The following PPP1R9A variants were observed in gnomAD, a reference collection of about 807,000 sequenced individuals.
PPP1R9A encodes the protein neurabin-1.
In PPP1R9A, 59 loss-of-function variants were observed where a neutral mutation model predicts 141.9. The ratio of observed to expected loss-of-function variants is 0.42; its 90% CI spans 0.34 to 0.52. The LOEUF (loss-of-function observed/expected upper bound fraction) is 0.52, where lower values mean the gene tolerates loss of function less well. PPP1R9A is among the 20% of genes least tolerant of loss of function. The pLI, the probability that PPP1R9A is intolerant of heterozygous loss-of-function variation, is 0.10. For missense variants in PPP1R9A, 1,444 were observed against 1,611.9 expected (o/e 0.90, Z 1.78); for synonymous variants, 500 against 569.7 (o/e 0.88, Z 1.74).
intron 2 of PPP1R9A, among the ~76,000 whole-genome samples, chr7:94,946,716 G>A (rs1391098587): frequency 2.0e-5 from 3 of 152,112 alleles, no homozygotes; most frequent in African/African-American, 4.8e-5. Flanking sequence ...GATTGATTAT[G>A]TAATTCAAAT....
intron 19 of PPP1R9A, among the ~76,000 whole-genome samples, chr7:95,289,842 A>T (rs897495796): frequency 3.3e-5 from 5 of 152,276 alleles, no homozygotes; most frequent in Admixed American, 6.5e-5. Context: ...TTCACCCATT[A>T]ATTACTCATT....
intron 2 of PPP1R9A, among the ~76,000 whole-genome samples, chr7:94,956,431 C>G (rs959850080): frequency 7.2e-5 from 11 of 152,046 alleles, no homozygotes; most frequent in African/African-American, 2.4e-4. Flanking sequence ...TTTAATTTAT[C>G]TAAACAAATG....
intron 7 of PPP1R9A, among the ~76,000 whole-genome samples, chr7:95,215,434 G>A (rs1259192000): frequency 2.6e-5 from 4 of 151,992 alleles, no homozygotes; most frequent in Non-Finnish European, 4.4e-5. Flanking sequence ...ATAAACATAC[G>A]TGTGCATGTG....
At chr7:95,219,064 C>T (rs907050668) in intron 7 of PPP1R9A, among the ~76,000 whole-genome samples, 6 of 152,044 alleles carry the variant, frequency 3.9e-5, no homozygotes, top group Non-Finnish European at 8.8e-5. Context: ...TTCTTAGCCT[C>T]GATGGTCTTT....
At chr7:95,174,129 A>G (rs1333354466) in intron 5 of PPP1R9A, among the ~76,000 whole-genome samples, 3 of 152,176 alleles carry the variant, frequency 2.0e-5, no homozygotes, top group Non-Finnish European at 2.9e-5. Context: ...TCTTTAACTG[A>G]TAAATGGATA....
rs141836269 is a variant in PPP1R9A, at chr7:95,084,630, G to T, written c.1396-26629G>T. Among the ~76,000 whole-genome samples, 83 of 151,992 alleles carry T rather than the reference G, an allele frequency of 5.5e-4. No individual in the cohort carries two copies. In the East Asian group the frequency reaches 0.013, roughly 24 times the overall value. ...TGAATTTGGTGCTTTTAGTTACCAAGCATTTTATATTCTTTTACAACATAT... is the reference window on the plus strand; with the variant it reads ...TGAATTTGGTGCTTTTAGTTACCAATCATTTTATATTCTTTTACAACATAT... On this transcript the variant is annotated intron_variant, in intron 2 of 19. Coordinates refer to ENST00000433360, the MANE Select transcript of PPP1R9A (RefSeq NM_001166160.2).
chr7:95,119,850 T>C (rs1248624483), intron 3 of PPP1R9A, among the ~76,000 whole-genome samples: 1 of 151,900 alleles, frequency 6.6e-6, no homozygotes, highest in African/African-American at 2.4e-5. Context: ...TATATACATA[T>C]ATATACATTC....
intron 16 of PPP1R9A, among the ~76,000 whole-genome samples, chr7:95,283,601 G>A (rs1207568634): frequency 2.0e-5 from 3 of 152,026 alleles, no homozygotes; most frequent in African/African-American, 4.8e-5. Flanking sequence ...CAGACCCTTC[G>A]GAACACAAGT....
chr7:94,964,297 A>G (rs534326414), intron 2 of PPP1R9A, among the ~76,000 whole-genome samples: 1 of 151,978 alleles, frequency 6.6e-6, no homozygotes, highest in African/African-American at 2.4e-5. Flanking sequence ...TTTTTTTTAG[A>G]TAATTATCTG....
chr7:95,123,348 T>C (rs1310416402), intron 4 of PPP1R9A, among the ~76,000 whole-genome samples: 13 of 152,084 alleles, frequency 8.5e-5, no homozygotes, highest in Non-Finnish European at 1.6e-4. Flanking sequence ...TCAGTGAATA[T>C]ATTAAGACAT....
intron 8 of PPP1R9A, among the ~76,000 whole-genome samples, chr7:95,238,979 T>G (rs1392624332): frequency 6.6e-6 from 1 of 152,130 alleles, no homozygotes; most frequent in Admixed American, 6.6e-5. Context: ...GGGAAACTTT[T>G]TAATTTGTAA....
rs73433123 is a variant in PPP1R9A at position 95,278,848 on chromosome 7, C to T, written c.3296+4680C>T. On this transcript the variant is annotated intron_variant, in intron 16 of 19. Coordinates refer to ENST00000433360, the MANE Select transcript of PPP1R9A (RefSeq NM_001166160.2). ...GCCTGGGTTGAAATCCCAACTCTGC[C>T]ACTTACTTCTTGGACAGGTTTCTTA... is the stretch of plus-strand genomic sequence containing the variant. 7.4e-3 allele frequency among the ~76,000 whole-genome samples: 1,130 copies of T among 152,202 alleles called. 13 individuals are homozygous for T. The highest frequency in any genetic ancestry group is 0.026 in the African/African-American group (1,074 of 41,514).
chr7:95,138,304 C>G (rs561700580), intron 4 of PPP1R9A, among the ~76,000 whole-genome samples: 1 of 152,258 alleles, frequency 6.6e-6, no homozygotes, highest in Non-Finnish European at 1.5e-5. Flanking sequence ...AGTGCTAGAA[C>G]AATTAGATAC....
At chr7:94,954,811 T>G (rs1312955503) in intron 2 of PPP1R9A, among the ~76,000 whole-genome samples, 2 of 149,444 alleles carry the variant, frequency 1.3e-5, no homozygotes, top group Admixed American at 6.7e-5. Flanking sequence ...TCTGTTATTT[T>G]AGAATATATG....
At chr7:95,072,424 TCTCAAA>T (rs978597643) in intron 2 of PPP1R9A, among the ~76,000 whole-genome samples, 3 of 143,982 alleles carry the variant, frequency 2.1e-5, no homozygotes, top group African/African-American at 7.6e-5. Context: ...TTATGATTCA[TCTCAAA>T]CTGGAAGGTA....
chr7:95,006,438 C>T (rs1480135871), intron 2 of PPP1R9A, among the ~76,000 whole-genome samples: 3 of 151,812 alleles, frequency 2.0e-5, no homozygotes, highest in African/African-American at 7.3e-5. Context: ...AGGCTGGTCT[C>T]GAACTCAGGT....
At chr7:95,115,916 C>CAAA (rs746135056) in intron 3 of PPP1R9A, among the ~76,000 whole-genome samples, 3 of 60,230 alleles carry the variant, frequency 5.0e-5, no homozygotes, top group East Asian at 5.3e-4. Context: ...GACTCTGTCT[C>CAAA]AAAAAAAAAA....
In PPP1R9A at chr7:95,293,074, G is replaced by A. The variant is rs1005315737; in HGVS notation, c.*2771G>A. ...AACTGATTCCCTAAAGGAGAGCTCAGTATGATTCTAACAATAGCCAAAAGT... is the reference window on the plus strand; with the variant it reads ...AACTGATTCCCTAAAGGAGAGCTCAATATGATTCTAACAATAGCCAAAAGT... On this transcript the variant is annotated 3_prime_UTR_variant, in exon 20 of 20. Transcript: ENST00000433360. 1 of 152,144 alleles carries A rather than the reference G, an allele frequency of 6.6e-6. No individual in the cohort carries two copies. Among genetic ancestry groups the A allele is most frequent in the African/African-American group, 2.4e-5 (1 of 41,434 alleles). The allele number at this position is 152,144 out of a possible 1,614,324, so 9.4% of individuals were successfully genotyped here. A position where few individuals can be genotyped will look rare whatever the true frequency, so the allele number is the denominator to read the frequency against.
chr7:95,281,859 A>G (rs1193882670), intron 16 of PPP1R9A, among the ~76,000 whole-genome samples: 1 of 152,212 alleles, frequency 6.6e-6, no homozygotes, highest in Non-Finnish European at 1.5e-5. Flanking sequence ...TTTATTGAAA[A>G]TTGTGGATGA....
Sources: gnomAD v4.1 joint callset for allele counts (sites outside exome capture counted in the v4.1 genomes callset) on GRCh38, gnomAD v4.1.1 for gene constraint, MANE v1.5 for transcripts, NCBI Gene and HGNC (gene_info 2026-07-23, HGNC 2026-07-21) for gene names.